FRA10AC1: variants seen among roughly 807,000 people sequenced by gnomAD.
The protein encoded by FRA10AC1 is protein FRA10AC1.
FRA10AC1 carries 43 observed loss-of-function variants against 56.5 expected under a neutral mutation model. The observed-to-expected ratio is 0.76, with a 90% CI of 0.60 to 0.98. The LOEUF (loss-of-function observed/expected upper bound fraction) is 0.98. Among genes scored for constraint, FRA10AC1 ranks in the 50% least tolerant of loss-of-function variants. The pLI, the probability that FRA10AC1 is intolerant of heterozygous loss-of-function variation, is 0.00. For synonymous variants in FRA10AC1, 112 were observed against 110.5 expected, an observed-to-expected ratio of 1.01 and a Z score of -0.09; for missense variants, 346 against 351.8, an observed-to-expected ratio of 0.98 and a Z score of 0.13.
rs753365003 is a variant in FRA10AC1 at position 93,669,802 on chromosome 10, G to C, written c.*24C>G. 1.3e-6 allele frequency: 2 copies of C among 1,501,380 alleles called. No individual in the cohort carries two copies. Among genetic ancestry groups the C allele is most frequent in the Non-Finnish European group, 1.8e-6 (2 of 1,094,236 alleles). The allele number at this position is 1,501,380 out of a possible 1,614,324, so 93.0% of individuals were successfully genotyped here. Reference sequence around the variant, plus strand: ...AAACTTCATGAAGTTTCACATTAAGGAGCGGAGGCTTCTCTCTCTCGTCTC... The same window carrying C: ...AAACTTCATGAAGTTTCACATTAAGCAGCGGAGGCTTCTCTCTCTCGTCTC... On this transcript the variant is annotated 3_prime_UTR_variant, in exon 14 of 14. Transcript: ENST00000359204.
At chr10:93,679,977 G>C (rs2058905299) in intron 11 of FRA10AC1, among the ~76,000 whole-genome samples, 1 of 152,138 alleles carries the variant, frequency 6.6e-6, no homozygotes, top group Non-Finnish European at 1.5e-5. Flanking sequence ...GGTCAACATA[G>C]GTGTCATCTA....
At chr10:93,686,773 T>G (rs1010880683) in intron 8 of FRA10AC1, among the ~76,000 whole-genome samples, 1 of 151,850 alleles carries the variant, frequency 6.6e-6, no homozygotes, top group Non-Finnish European at 1.5e-5. Context: ...CTTTAACACT[T>G]AAAATGCAAT....
intron 13 of FRA10AC1, among the ~76,000 whole-genome samples, chr10:93,670,547 T>C (rs745949544): frequency 3.3e-5 from 5 of 152,076 alleles, no homozygotes; most frequent in Non-Finnish European, 7.4e-5. Context: ...CAGAGGTTCA[T>C]CTGTTAAAGT....
intron 4 of FRA10AC1, among the ~76,000 whole-genome samples, chr10:93,696,913 A>G (rs1239412268): frequency 6.6e-6 from 1 of 152,160 alleles, no homozygotes; most frequent in Admixed American, 6.5e-5. Context: ...ATGAGAACAC[A>G]TGGACACAGG....
intron 7 of FRA10AC1, among the ~76,000 whole-genome samples, chr10:93,688,539 T>C (rs1405893174): frequency 6.6e-6 from 1 of 152,174 alleles, no homozygotes; most frequent in Non-Finnish European, 1.5e-5. Context: ...GGTTCACTGA[T>C]TGTAACAAAT....
At chr10:93,695,800 C>A (rs1471976328) in intron 4 of FRA10AC1, among the ~76,000 whole-genome samples, 1 of 151,886 alleles carries the variant, frequency 6.6e-6, no homozygotes, top group Non-Finnish European at 1.5e-5. Context: ...TCTTGATCTA[C>A]CACTAACTGG....
intron 7 of FRA10AC1, among the ~76,000 whole-genome samples, chr10:93,691,773 T>C (rs187302209): frequency 6.6e-5 from 10 of 152,332 alleles, no homozygotes; most frequent in Non-Finnish European, 1.3e-4. Context: ...TTTAGACTTT[T>C]CATGCCTCAG....
intron 9 of FRA10AC1, among the ~76,000 whole-genome samples, 171 bp downstream of exon 9, chr10:93,685,075 A>G (rs1454768606): frequency 6.6e-6 from 1 of 152,174 alleles, no homozygotes; most frequent in African/African-American, 2.4e-5. Context: ...AATGCTAAAA[A>G]TGTAAAAAAC....
chr10:93,695,525 T>C (rs1233869871), intron 4 of FRA10AC1, among the ~76,000 whole-genome samples: 5 of 152,032 alleles, frequency 3.3e-5, no homozygotes, highest in African/African-American at 1.2e-4. Flanking sequence ...TGTAACAAAA[T>C]ATATGAGCAT....
chr10:93,695,494 T>A (rs1335965918), intron 4 of FRA10AC1, among the ~76,000 whole-genome samples: 1 of 151,946 alleles, frequency 6.6e-6, no homozygotes, highest in Non-Finnish European at 1.5e-5. Context: ...AAGAATAAAA[T>A]GCCATGTTTT....
chr10:93,687,563 T>C, intron 7 of FRA10AC1, 114 bp from the exon 8 acceptor site: 1 of 1,012,404 alleles, frequency 9.9e-7, no homozygotes, highest in Non-Finnish European at 1.4e-6. Context: ...ATTCCCATCA[T>C]GACAGATTTT....
At chr10:93,680,404 A>G (rs1221619489) in intron 11 of FRA10AC1, among the ~76,000 whole-genome samples, 5 of 152,192 alleles carry the variant, frequency 3.3e-5, no homozygotes, top group Non-Finnish European at 7.4e-5. Flanking sequence ...TAAAATAACA[A>G]TATCTTCCTC....
chr10:93,702,057 C>T (rs890243567), intron 1 of FRA10AC1, among the ~76,000 whole-genome samples: 2 of 152,022 alleles, frequency 1.3e-5, no homozygotes, highest in Admixed American at 6.6e-5. Flanking sequence ...TTTTCCCTCG[C>T]CCCAGGACAC....
intron 1 of FRA10AC1, among the ~76,000 whole-genome samples, chr10:93,701,933 T>C (rs139780750): frequency 3.6e-4 from 55 of 152,198 alleles, no homozygotes; most frequent in Admixed American, 2.6e-3. Context: ...AAAAAGAGGC[T>C]AGTAAGATGG....
intron 12 of FRA10AC1, chr10:93,674,825 G>A (rs992645158): frequency 3.9e-5 from 6 of 152,148 alleles, no homozygotes; most frequent in Non-Finnish European, 8.8e-5. Flanking sequence ...AACTGAAAAA[G>A]GGGAATTTTT....
chr10:93,678,847 G>A (rs1167829569), intron 11 of FRA10AC1, among the ~76,000 whole-genome samples: 2 of 104,596 alleles, frequency 1.9e-5, no homozygotes, highest in Admixed American at 2.0e-4. Context: ...ACAAGACCCT[G>A]TCTTACAAAA....
At chr10:93,670,896 C>T in intron 12 of FRA10AC1, 48 bp from the exon 13 acceptor site, 3 of 1,258,942 alleles carry the variant, frequency 2.4e-6, no homozygotes, top group Non-Finnish European at 3.5e-6. Context: ...ATACTTAAAG[C>T]ACATTTTGAA....
chr10:93,677,318 A>C (rs1019844964), intron 11 of FRA10AC1, among the ~76,000 whole-genome samples: 3 of 152,166 alleles, frequency 2.0e-5, no homozygotes, highest in Admixed American at 2.0e-4. Flanking sequence ...AAAGTAAAAA[A>C]GGGCAGGTGA....
intron 11 of FRA10AC1, among the ~76,000 whole-genome samples, chr10:93,678,542 C>G (rs1393715856): frequency 6.6e-6 from 1 of 152,078 alleles, no homozygotes; most frequent in Non-Finnish European, 1.5e-5. Context: ...TTAAAAGCAG[C>G]TAAGGAGGTC....
Sources: allele counts gnomAD v4.1 joint callset (sites outside exome capture counted in the v4.1 genomes callset), GRCh38; gene constraint gnomAD v4.1.1; transcripts MANE v1.5; gene names NCBI Gene and HGNC (gene_info 2026-07-23, HGNC 2026-07-21).